Variants in DAB1 observed in about 807,000 individuals in gnomAD.
DAB1 encodes the protein DAB adaptor protein 1, also known as disabled homolog 1.
Under a neutral mutation model 64.6 loss-of-function variants are expected in DAB1, and 15 were observed. The ratio of observed to expected loss-of-function variants is 0.23; its 90% confidence interval spans 0.16 to 0.36. The LOEUF (loss-of-function observed/expected upper bound fraction) is 0.36, where lower values mean the gene tolerates loss of function less well. Among genes scored for constraint, DAB1 ranks in the 10% least tolerant of loss-of-function variants. The pLI is 1.00. For missense variants in DAB1, 596 were observed against 706.7 expected, an observed-to-expected ratio of 0.84 and a Z score of 1.78; for synonymous variants, 235 against 251.9, an observed-to-expected ratio of 0.93 and a Z score of 0.64.
At chr1:57,969,358 T>C (rs1465042656) in intron 5 of DAB1, among the ~76,000 whole-genome samples, 2 of 152,188 alleles carry the variant, frequency 1.3e-5, no homozygotes, top group Non-Finnish European at 2.9e-5. Context: ...ATATATATTT[T>C]TTGAGATAGG....
intron 6 of DAB1, among the ~76,000 whole-genome samples, chr1:57,695,553 T>G (rs1646834333): frequency 6.6e-6 from 1 of 152,150 alleles, no homozygotes; most frequent in Non-Finnish European, 1.5e-5. Context: ...TCAGGAAAAT[T>G]GCCTGTTGGA....
At chr1:57,211,646 G>A (rs197105) in intron 2 of DAB1, among the ~76,000 whole-genome samples, 88,354 of 151,992 alleles carry the variant, frequency 0.58, 26,680 homozygotes, top group African/African-American at 0.75. Flanking sequence ...TCAAAACTAA[G>A]TTCCAAAGGG....
At chr1:57,401,021 C>T (rs1161287833) in intron 1 of DAB1, among the ~76,000 whole-genome samples, 1 of 146,520 alleles carries the variant, frequency 6.8e-6, no homozygotes, top group African/African-American at 2.5e-5. Context: ...CCGAAAGGAA[C>T]TTACCACCAA....
intron 9 of DAB1, among the ~76,000 whole-genome samples, chr1:57,038,721 C>G (rs553090786): frequency 6.6e-6 from 1 of 152,278 alleles, no homozygotes. Flanking sequence ...AGTGCTCACA[C>G]GTGTAATATA....
intron 5 of DAB1, among the ~76,000 whole-genome samples, chr1:58,127,824 T>C (rs1653233755): frequency 6.6e-6 from 1 of 151,976 alleles, no homozygotes; most frequent in African/African-American, 2.4e-5. Flanking sequence ...TCTATATCTC[T>C]GTTTTGGTAC....
chr1:57,761,089 C>T (rs1649066263), intron 6 of DAB1, among the ~76,000 whole-genome samples: 1 of 152,182 alleles, frequency 6.6e-6, no homozygotes, highest in Non-Finnish European at 1.5e-5. Flanking sequence ...TCTATGTGTT[C>T]ACATTTAGTG....
At chr1:57,860,194 A>T (rs1557521632) in intron 1 of DAB1, among the ~76,000 whole-genome samples, 1 of 152,170 alleles carries the variant, frequency 6.6e-6, no homozygotes, top group East Asian at 1.9e-4. Context: ...AAAAAATTGT[A>T]TTTTCAAGGG....
chr1:58,135,284 G>A (rs1653878705), intron 5 of DAB1, among the ~76,000 whole-genome samples: 1 of 152,076 alleles, frequency 6.6e-6, no homozygotes, highest in African/African-American at 2.4e-5. Flanking sequence ...CCTTCTGAGA[G>A]GTGTCTACAG....
chr1:58,344,448 G>A (rs1321517157), intron 3 of DAB1, among the ~76,000 whole-genome samples: 4 of 152,126 alleles, frequency 2.6e-5, no homozygotes, highest in African/African-American at 4.8e-5. Context: ...AGTGTGGTGT[G>A]AGCTTCAGAT....
intron 7 of DAB1, among the ~76,000 whole-genome samples, chr1:57,475,310 A>T (rs1643923313): frequency 6.6e-6 from 1 of 151,980 alleles, no homozygotes; most frequent in African/African-American, 2.4e-5. Context: ...ACAACAATAA[A>T]AGACATCAGT....
chr1:57,508,866 G>C (rs1308729677), intron 7 of DAB1, among the ~76,000 whole-genome samples: 4 of 151,706 alleles, frequency 2.6e-5, no homozygotes, highest in Non-Finnish European at 5.9e-5. Context: ...ATTTATATAA[G>C]CATACACATA....
At chr1:58,175,062 G>A (rs556979967) in intron 4 of DAB1, among the ~76,000 whole-genome samples, 2 of 152,320 alleles carry the variant, frequency 1.3e-5, no homozygotes, top group South Asian at 2.1e-4. Flanking sequence ...CAACCTGCTC[G>A]GGTCCCCCTC....
chr1:58,458,074 C>A (rs916025565), intron 3 of DAB1, among the ~76,000 whole-genome samples: 8 of 152,226 alleles, frequency 5.3e-5, no homozygotes, highest in Non-Finnish European at 1.0e-4. Flanking sequence ...CCCTGTCTTC[C>A]CGGAGCACAG....
chr1:58,107,083 TA>T (rs111340126), intron 5 of DAB1, among the ~76,000 whole-genome samples: 35 of 150,324 alleles, frequency 2.3e-4, no homozygotes, highest in African/African-American at 7.3e-4. Context: ...TAATAGCTAG[TA>T]AAAAAAAACC....
At chr1:57,602,416 A>G (rs1342021192) in intron 7 of DAB1, among the ~76,000 whole-genome samples, 1 of 152,130 alleles carries the variant, frequency 6.6e-6, no homozygotes, top group Non-Finnish European at 1.5e-5. Flanking sequence ...CTGGTATACG[A>G]TGAGTCACTG....
intron 1 of DAB1, among the ~76,000 whole-genome samples, chr1:57,352,912 C>T (rs1198950808): frequency 6.6e-6 from 1 of 151,984 alleles, no homozygotes; most frequent in Non-Finnish European, 1.5e-5. Flanking sequence ...CAGCCCCAAA[C>T]AAGAGAGAAT....
At chr1:57,719,647 T>A (rs1458468055) in intron 6 of DAB1, among the ~76,000 whole-genome samples, 1 of 152,240 alleles carries the variant, frequency 6.6e-6, no homozygotes, top group African/African-American at 2.4e-5. Context: ...TCCTGCCATC[T>A]TGTAAAGAAG....
intron 2 of DAB1, among the ~76,000 whole-genome samples, chr1:57,269,485 C>T (rs1022554520): frequency 2.6e-5 from 4 of 152,296 alleles, no homozygotes; most frequent in Non-Finnish European, 2.9e-5. Context: ...TGTCACCCCC[C>T]TCCCTGGCCA....
chr1:57,157,408 G>A (rs972155646), intron 2 of DAB1, among the ~76,000 whole-genome samples: 1 of 152,098 alleles, frequency 6.6e-6, no homozygotes, highest in African/African-American at 2.4e-5. Context: ...TAGACTGCAT[G>A]GCTTAAACAA....
Sources: allele counts gnomAD v4.1 joint callset (sites outside exome capture counted in the v4.1 genomes callset), GRCh38; gene constraint gnomAD v4.1.1; transcripts MANE v1.5; gene names NCBI Gene and HGNC (gene_info 2026-07-23, HGNC 2026-07-21).